NDST4: variants seen among roughly 807,000 people sequenced by gnomAD.
NDST4 encodes N-deacetylase and N-sulfotransferase 4, also known as N-heparan sulfate sulfotransferase 4.
NDST4 carries 63 observed loss-of-function variants against 100.8 expected under a neutral mutation model. The observed-to-expected ratio is 0.62, with a 90% CI of 0.51 to 0.77. The LOEUF (loss-of-function observed/expected upper bound fraction) is 0.77. NDST4 is among the 30% of genes least tolerant of loss of function. The pLI, the probability that NDST4 is intolerant of heterozygous loss-of-function variation, is 0.00. For synonymous variants in NDST4, 377 were observed against 361.8 expected (o/e 1.04, Z -0.48); for missense variants, 943 against 1,018.4 (o/e 0.93, Z 1.01).
chr4:114,932,608 CT>C (rs1725538620), intron 6 of NDST4, among the ~76,000 whole-genome samples: 1 of 151,776 alleles, frequency 6.6e-6, no homozygotes, highest in African/African-American at 2.4e-5. Context: ...CTAAATATTC[CT>C]TGAAAAAACT....
intron 2 of NDST4, among the ~76,000 whole-genome samples, chr4:115,016,321 A>G (rs1185132751): frequency 6.6e-6 from 1 of 152,122 alleles, no homozygotes; most frequent in African/African-American, 2.4e-5. Flanking sequence ...ATCATTGTCC[A>G]GTATACGGTA....
At chr4:115,077,731 C>A (rs1560592153) in intron 1 of NDST4, among the ~76,000 whole-genome samples, 2 of 152,214 alleles carry the variant, frequency 1.3e-5, no homozygotes, top group Admixed American at 1.3e-4. Context: ...CTCTGGAATT[C>A]CCAGCTGACT....
intron 2 of NDST4, among the ~76,000 whole-genome samples, chr4:115,014,480 G>A (rs949294887): frequency 3.9e-5 from 6 of 152,086 alleles, no homozygotes; most frequent in African/African-American, 7.2e-5. Context: ...TGAAGGATAA[G>A]TTGTTGCATC....
intron 2 of NDST4, among the ~76,000 whole-genome samples, chr4:115,048,196 A>G (rs1215027591): frequency 6.6e-6 from 1 of 151,888 alleles, no homozygotes; most frequent in African/African-American, 2.4e-5. Context: ...TTAATGAGGG[A>G]TAGCCATGCA....
chr4:114,925,565 A>G (rs1338912006), intron 6 of NDST4, among the ~76,000 whole-genome samples: 2 of 152,178 alleles, frequency 1.3e-5, no homozygotes, highest in African/African-American at 4.8e-5. Context: ...CAGACTAGGT[A>G]TATGAAAGTT....
At chr4:114,874,419 A>ATGCTGC (rs1724215948) in intron 6 of NDST4, among the ~76,000 whole-genome samples, 1 of 152,196 alleles carries the variant, frequency 6.6e-6, no homozygotes, top group Non-Finnish European at 1.5e-5. Flanking sequence ...AAGCTGAGGC[A>ATGCTGC]TGCTGCTGCA....
chr4:115,077,894 C>G (rs17047634), intron 1 of NDST4, among the ~76,000 whole-genome samples: 11,874 of 152,188 alleles, frequency 0.078, 1,454 homozygotes, highest in African/African-American at 0.26. Context: ...CAGGCATTCT[C>G]AGATCTCGCT....
intron 6 of NDST4, among the ~76,000 whole-genome samples, chr4:114,895,506 C>A (rs1724694916): frequency 6.6e-6 from 1 of 152,090 alleles, no homozygotes; most frequent in Admixed American, 6.5e-5. Context: ...GCCTACCAAC[C>A]AAATGAAAGC....
rs146949694 is a variant in NDST4, at chr4:114,848,322, A to G, written c.1833T>C (p.Tyr611=). Residue 611 remains tyrosine (Y), a synonymous_variant, in exon 9 of 14, where the codon TAT becomes TAC. Coordinates refer to ENST00000264363, the MANE Select transcript of NDST4 (RefSeq NM_022569.3). ...TTGAAGGATGCATAAGAAGAAATAA[A>G]TAAAGTGCAGTTGTTCCTGTTACAA... ...GPQKTGTTAL[Y]LFLLMHPSII... is the part of the protein sequence containing the mutation. 5.4e-4 allele frequency: 861 copies of G among 1,596,858 alleles called. 6 individuals carry two copies. In the South Asian group the frequency reaches 6.5e-3, roughly 12 times the overall value.
intron 6 of NDST4, among the ~76,000 whole-genome samples, chr4:114,930,045 G>A (rs1012975574): frequency 6.6e-6 from 1 of 152,140 alleles, no homozygotes; most frequent in African/African-American, 2.4e-5. Flanking sequence ...TACCTCTGTC[G>A]AGATTAAATT....
chr4:114,995,964 A>T (rs1454761775), intron 2 of NDST4, among the ~76,000 whole-genome samples: 1 of 152,144 alleles, frequency 6.6e-6, no homozygotes, highest in Non-Finnish European at 1.5e-5. Flanking sequence ...TGCAATATGC[A>T]TATAGTATTT....
At chr4:115,056,924 C>G (rs967021564) in intron 2 of NDST4, among the ~76,000 whole-genome samples, 2 of 151,954 alleles carry the variant, frequency 1.3e-5, no homozygotes, top group Non-Finnish European at 2.9e-5. Flanking sequence ...GTAATAACAA[C>G]AGTAATAACA....
Position 114,977,263 on chromosome 4 carries a change from C to T in NDST4, c.990G>A (p.Glu330=), listed in dbSNP as rs1726660094. The part of the protein sequence containing the change: ...MNVKDVKALL[E]TQNLLRTQVA... The stretch of plus-strand genomic sequence containing the variant: ...CCTGAGTGCGCAGTAAATTTTGAGT[C>T]TCTAGTAATGCCTGAAATAAATAAG... The change falls in exon 3 of 14, where the codon GAG becomes GAA. Residue 330 remains glutamate, a synonymous_variant. Transcript: ENST00000264363. The T allele has an allele frequency of 3.7e-6, 6 of 1,601,794 alleles. No homozygotes were observed. The East Asian group carries it at 1.3e-4, about 36-fold the overall frequency.
At chr4:115,096,414 T>A (rs1218307121) in intron 1 of NDST4, among the ~76,000 whole-genome samples, 2 of 152,100 alleles carry the variant, frequency 1.3e-5, no homozygotes, top group Non-Finnish European at 2.9e-5. Context: ...TTCTCTATCT[T>A]CAAACTTCTA....
chr4:114,930,988 G>T (rs1725499511), intron 6 of NDST4, among the ~76,000 whole-genome samples: 1 of 151,872 alleles, frequency 6.6e-6, no homozygotes, highest in Admixed American at 6.6e-5. Flanking sequence ...AGCACACAAA[G>T]ATAATACAAA....
chr4:115,046,116 C>T (rs778553282), intron 2 of NDST4, among the ~76,000 whole-genome samples: 6 of 152,126 alleles, frequency 3.9e-5, no homozygotes, highest in Non-Finnish European at 5.9e-5. Context: ...GACTCTCAGA[C>T]GCCATCCAGG....
chr4:114,929,058 GTCCGTCCGTCCGTCCGTCCATCCA>G (rs1284758273), intron 6 of NDST4, among the ~76,000 whole-genome samples: 2 of 99,016 alleles, frequency 2.0e-5, no homozygotes, highest in South Asian at 5.3e-4. Flanking sequence ...CCGTCCGTCC[GTCCGTCCGTCCGTCCGTCCATCCA>G]TCCATCCATC....
intron 8 of NDST4, among the ~76,000 whole-genome samples, chr4:114,850,057 T>C (rs758149511): frequency 6.6e-6 from 1 of 152,154 alleles, no homozygotes; most frequent in Non-Finnish European, 1.5e-5. Flanking sequence ...TTTTTAAAAA[T>C]ACTTTTTAAG....
chr4:114,995,219 T>C (rs544869179), intron 2 of NDST4, among the ~76,000 whole-genome samples: 1 of 152,164 alleles, frequency 6.6e-6, no homozygotes, highest in South Asian at 2.1e-4. Flanking sequence ...ACTGTCTTAC[T>C]ACTGTTAAGG....
Sources: gnomAD v4.1 joint callset for allele counts (sites outside exome capture counted in the v4.1 genomes callset) on GRCh38, gnomAD v4.1.1 for gene constraint, MANE v1.5 for transcripts, NCBI Gene and HGNC (gene_info 2026-07-23, HGNC 2026-07-21) for gene names.